Variants in NONO observed in about 807,000 individuals in gnomAD.
The protein encoded by NONO is non-POU domain-containing octamer-binding protein.
NONO carries 6 observed loss-of-function variants against 40.2 expected under a neutral mutation model. The ratio of observed to expected loss-of-function variants is 0.15; its 90% confidence interval spans 0.08 to 0.29. The LOEUF (loss-of-function observed/expected upper bound fraction) is 0.29, where lower values mean the gene tolerates loss of function less well. Ranked by LOEUF, NONO falls within the 10% of genes least tolerant of loss-of-function variation. The probability of loss-of-function intolerance (pLI) is 1.00; values close to 1 mark genes in which losing one functional copy is unlikely to be tolerated. For missense variants in NONO, 133 were observed against 397.8 expected (o/e 0.33, Z 5.66); for synonymous variants, 89 against 123.3 (o/e 0.72, Z 1.85).
intron 2 of NONO, among the ~76,000 whole-genome samples, chrX:71,285,547 C>T (rs764314893): frequency 2.7e-5 from 3 of 111,178 alleles, no homozygotes; most frequent in Non-Finnish European, 3.8e-5. Flanking sequence ...TTTACTGCAG[C>T]GTTATAATAG....
chrX:71,287,859 C>T (rs987383829), intron 2 of NONO, among the ~76,000 whole-genome samples: 2 of 101,251 alleles, frequency 2.0e-5, no homozygotes, highest in South Asian at 4.4e-4. Flanking sequence ...TCCCCTCCCC[C>T]CTACCCTTTT....
intron 5 of NONO, among the ~76,000 whole-genome samples, chrX:71,295,505 G>A (rs1486679991): frequency 9.0e-6 from 1 of 110,660 alleles, no homozygotes; most frequent in Non-Finnish European, 1.9e-5. Context: ...AAGACTTTTG[G>A]TATTAGCCTG....
chrX:71,299,263 G>A (rs949094337), intron 11 of NONO, among the ~76,000 whole-genome samples: 1 of 112,100 alleles, frequency 8.9e-6, no homozygotes, highest in East Asian at 2.8e-4. Context: ...TAATCTGCCC[G>A]CCTCGGTTTC....
intron 9 of NONO, chrX:71,298,177 T>C (rs1262959912): frequency 4.6e-6 from 2 of 434,120 alleles, no homozygotes; most frequent in African/African-American, 2.5e-5. Flanking sequence ...GGAAGAGATA[T>C]GCAACCTTGG....
At chrX:71,287,341 A>G (rs2031213200) in intron 2 of NONO, among the ~76,000 whole-genome samples, 1 of 108,897 alleles carries the variant, frequency 9.2e-6, no homozygotes, top group Non-Finnish European at 1.9e-5. Flanking sequence ...TCGGCCTCCC[A>G]AAGTGCTGGG....
At chrX:71,295,220 C>CAAAAAA (rs1193819209) in intron 5 of NONO, among the ~76,000 whole-genome samples, 13 of 31,094 alleles carry the variant, frequency 4.2e-4, no homozygotes, top group Non-Finnish European at 7.4e-4. Flanking sequence ...GACTCTGTCT[C>CAAAAAA]AAAAAAAAAA....
chrX:71,287,092 A>G (rs1208045875), intron 2 of NONO, among the ~76,000 whole-genome samples: 2 of 112,113 alleles, frequency 1.8e-5, no homozygotes, highest in Non-Finnish European at 3.8e-5. Context: ...GTTTATAATT[A>G]TTTTTTGAGA....
At chrX:71,291,244 T>C (rs1177071198) in intron 3 of NONO, among the ~76,000 whole-genome samples, 1 of 112,221 alleles carries the variant, frequency 8.9e-6, no homozygotes, top group Non-Finnish European at 1.9e-5. Flanking sequence ...CCTCTAAGAC[T>C]AGAACCAATC....
intron 11 of NONO, among the ~76,000 whole-genome samples, chrX:71,299,341 G>A (rs1004765046): frequency 3.6e-4 from 41 of 112,490 alleles, no homozygotes; most frequent in Admixed American, 5.7e-4. Context: ...AGGACTGCTG[G>A]TATCCATTAA....
At chrX:71,288,553 C>G (rs1196706520) in intron 2 of NONO, among the ~76,000 whole-genome samples, 1 of 111,808 alleles carries the variant, frequency 8.9e-6, no homozygotes, top group South Asian at 3.7e-4. Flanking sequence ...CACCACACCC[C>G]GCTAATTTTT....
intron 2 of NONO, among the ~76,000 whole-genome samples, chrX:71,285,927 T>G (rs1277250378): frequency 1.8e-5 from 2 of 112,081 alleles, no homozygotes; most frequent in African/African-American, 6.5e-5. Context: ...AAGCTGTTTA[T>G]GATACATCAT....
rs112470710 is a variant in NONO at position 71,294,715 on chromosome X, G to C, written c.650+187G>C. On this transcript the variant is annotated intron_variant, in intron 5 of 11. Coordinates refer to ENST00000276079, the MANE Select transcript of NONO (RefSeq NM_007363.5). ...GGCGGATCACCTGAGGTCAGGAGTT[G>C]GAGACCAGCCTGACCAACATGGTGA... is the stretch of plus-strand genomic sequence containing the variant. 0.074 allele frequency among the ~76,000 whole-genome samples: 8,138 copies of C among 109,376 alleles called. 676 individuals carry two copies. Among genetic ancestry groups the C allele is most frequent in the African/African-American group, 0.25 (7,363 of 29,840 alleles). 95.0% of individuals were successfully genotyped at this position (109,376 alleles called of 115,157 possible). A position where few individuals can be genotyped will look rare whatever the true frequency, so the allele number is the denominator to read the frequency against.
At chrX:71,292,981 TACATA>T (rs1260844422) in intron 4 of NONO, 1 of 112,078 alleles carries the variant, frequency 8.9e-6, no homozygotes. Flanking sequence ...TGGTAAAACA[TACATA>T]ACATAAAATT....
chrX:71,296,779 C>A, intron 6 of NONO, 72 bp from the exon 7 acceptor site: 1 of 1,087,414 alleles, frequency 9.2e-7, no homozygotes, highest in East Asian at 3.0e-5. Flanking sequence ...TTATCTTGGT[C>A]CTCACAAGGA....
At chrX:71,298,959 T>G in intron 11 of NONO, 143 bp downstream of exon 11, 1 of 470,467 alleles carries the variant, frequency 2.1e-6, no homozygotes, top group African/African-American at 2.4e-5. Context: ...TTCCCTCTTG[T>G]TGCCCAGGCT....
Position 71,297,870 on chromosome X carries a change from A to C in NONO, c.1063A>C (p.Met355Leu). 1 of 1,209,600 alleles carries C rather than the reference A, an allele frequency of 8.3e-7. No individual in the cohort carries two copies. Among genetic ancestry groups the C allele is most frequent in the South Asian group, 1.8e-5 (1 of 56,862 alleles). ...EEERRRREEE[M>L]RRQQEEMMRR... ...AGAGCGCAGGCGCCGTGAAGAAGAG[A>C]TGCGGCGGCAGCAAGAAGAAATGAT... The change falls in exon 9 of 12, where the codon ATG becomes CTG. Residue 355 changes from methionine to leucine, a missense_variant. Physicochemically the swap from Met to Leu is conservative, Grantham distance 15. This residue lies in a region of NONO where 73 missense variants were observed against 162.2 expected (regional missense o/e 0.45). Transcript: ENST00000276079.
intron 2 of NONO, among the ~76,000 whole-genome samples, chrX:71,289,827 A>G (rs1241291378): frequency 2.7e-5 from 3 of 110,526 alleles, no homozygotes; most frequent in African/African-American, 6.6e-5. Context: ...GCTGGAGTAC[A>G]GTGGCACGAT....
In NONO at chrX:71,297,090, G is replaced by T. The variant is rs201001879; in HGVS notation, c.943+43G>T. On this transcript the variant is annotated intron_variant, in intron 7 of 11. Coordinates refer to ENST00000276079, the MANE Select transcript of NONO (RefSeq NM_007363.5). ...AGTCTTAAAGCTGAAAGGACAAAAT[G>T]ACATTTTTAAATGGGTTTCTTTGTA... 2.9e-5 allele frequency: 31 copies of T among 1,061,236 alleles called. No individual in the cohort carries two copies. In the East Asian group the frequency reaches 9.5e-4, roughly 32 times the overall value. The allele number at this position is 1,061,236 out of a possible 1,213,427, so 87.5% of individuals were successfully genotyped here.
At chrX:71,297,774 C>T in intron 8 of NONO, 62 bp from the exon 9 acceptor site, 2 of 872,207 alleles carry the variant, frequency 2.3e-6, no homozygotes, top group Non-Finnish European at 3.3e-6. Flanking sequence ...GGTTGAGTCT[C>T]CTGTTAATCT....
Sources: gnomAD v4.1 joint callset for allele counts (sites outside exome capture counted in the v4.1 genomes callset) on GRCh38, gnomAD v4.1.1 for gene constraint, gnomAD v4.1.1 regional missense constraint, MANE v1.5 for transcripts, NCBI Gene and HGNC (gene_info 2026-07-23, HGNC 2026-07-21) for gene names.